The following SLC9A9 variants were observed in gnomAD, a reference collection of about 807,000 sequenced individuals.
The protein encoded by SLC9A9 is solute carrier family 9 member A9, also known as sodium/hydrogen exchanger 9.
Under a neutral mutation model 77.8 loss-of-function variants are expected in SLC9A9, and 62 were observed. The observed-to-expected ratio is 0.80, with a 90% CI of 0.65 to 0.98. The LOEUF is 0.98. Ranked by LOEUF, SLC9A9 falls within the 50% of genes least tolerant of loss-of-function variation. The pLI, the probability that SLC9A9 is intolerant of heterozygous loss-of-function variation, is 0.00. For missense variants in SLC9A9, 775 were observed against 774.9 expected, an observed-to-expected ratio of 1.00 and a Z score of 0.00; for synonymous variants, 320 against 283.5, an observed-to-expected ratio of 1.13 and a Z score of -1.29.
Position 143,266,892 on chromosome 3 carries a change from T to C in SLC9A9, c.1748A>G (p.Asn583Ser), listed in dbSNP as rs201104682. 2.5e-6 allele frequency: 4 copies of C among 1,614,102 alleles called. No homozygotes were observed. The highest frequency in any genetic ancestry group is 3.4e-6 in the Non-Finnish European group (4 of 1,179,986). The change falls in exon 16 of 16, where the codon AAC (asparagine) becomes AGC (serine). Residue 583 changes from asparagine to serine, a missense_variant. Transcript: ENST00000316549. The part of the protein sequence containing the change: ...LKEDDVECIV[N>S]QDELAINYQE... The stretch of plus-strand genomic sequence containing the variant: ...GTAATTTATGGCTAGTTCATCCTGG[T>C]TTACAATGCATTCCACATCATCCTC...
At chr3:143,371,757 G>A (rs919807069) in intron 13 of SLC9A9, among the ~76,000 whole-genome samples, 1 of 152,070 alleles carries the variant, frequency 6.6e-6, no homozygotes, top group African/African-American at 2.4e-5. Context: ...CACCCAAATT[G>A]GAAAAGAAGA....
intron 6 of SLC9A9, chr3:143,627,485 AC>A (rs1230097129): frequency 8.9e-6 from 2 of 223,790 alleles, no homozygotes; most frequent in East Asian, 1.1e-4. Context: ...AAGCCCTCAA[AC>A]TTTTGGTGTG....
At chr3:143,423,208 C>G (rs74850749) in intron 12 of SLC9A9, among the ~76,000 whole-genome samples, 1 of 146,928 alleles carries the variant, frequency 6.8e-6, no homozygotes, top group African/African-American at 2.5e-5. Context: ...CTTACCCTCA[C>G]ACACACGTAC....
At chr3:143,270,629 G>A (rs1578251521) in intron 14 of SLC9A9, among the ~76,000 whole-genome samples, 1 of 152,202 alleles carries the variant, frequency 6.6e-6, no homozygotes, top group East Asian at 1.9e-4. Context: ...CCAGGTGGAA[G>A]GATGGAAAAG....
At chr3:143,713,343 G>T (rs145457039) in intron 4 of SLC9A9, among the ~76,000 whole-genome samples, 155 of 152,286 alleles carry the variant, frequency 1.0e-3, no homozygotes, top group African/African-American at 3.4e-3. Flanking sequence ...AGATACTGGA[G>T]GTTAGAAACA....
chr3:143,761,020 C>T (rs182377845), intron 4 of SLC9A9, among the ~76,000 whole-genome samples: 1 of 151,934 alleles, frequency 6.6e-6, no homozygotes, highest in African/African-American at 2.4e-5. Context: ...CAGAACAGAG[C>T]CCTCAGAAAT....
chr3:143,416,886 A>C (rs1211935104), intron 12 of SLC9A9, among the ~76,000 whole-genome samples: 11 of 152,236 alleles, frequency 7.2e-5, no homozygotes, highest in Admixed American at 7.2e-4. Flanking sequence ...ATCCACTATG[A>C]GTGGGAAATC....
intron 6 of SLC9A9, among the ~76,000 whole-genome samples, chr3:143,599,226 C>T (rs3894056): frequency 6.1e-4 from 93 of 152,226 alleles, no homozygotes; most frequent in Middle Eastern, 3.4e-3. Flanking sequence ...CTATTTAACT[C>T]GTAAAAAACA....
chr3:143,768,124 C>T (rs1483493263), intron 4 of SLC9A9, among the ~76,000 whole-genome samples: 1 of 152,142 alleles, frequency 6.6e-6, no homozygotes. Context: ...CCTCTCCTCA[C>T]TGTCACACAG....
chr3:143,503,227 A>G, intron 9 of SLC9A9: 1 of 218,640 alleles, frequency 4.6e-6, no homozygotes, highest in Non-Finnish European at 9.1e-6. Flanking sequence ...ACTGCACAGC[A>G]GCTGAGGGCC....
chr3:143,738,911 C>A (rs1012492211), intron 4 of SLC9A9, among the ~76,000 whole-genome samples: 1 of 152,160 alleles, frequency 6.6e-6, no homozygotes, highest in African/African-American at 2.4e-5. Flanking sequence ...TCTGGATATA[C>A]CACCTTCCTA....
chr3:143,602,913 T>G (rs1195700032), intron 6 of SLC9A9, among the ~76,000 whole-genome samples: 2 of 152,270 alleles, frequency 1.3e-5, no homozygotes, highest in Non-Finnish European at 2.9e-5. Flanking sequence ...AGAATGCTGA[T>G]GACCACATGT....
At chr3:143,562,937 C>CA (rs1411459911) in intron 8 of SLC9A9, among the ~76,000 whole-genome samples, 2 of 151,824 alleles carry the variant, frequency 1.3e-5, no homozygotes, top group East Asian at 1.9e-4. Context: ...AGGTGGCCTA[C>CA]AAAAAATAAT....
At chr3:143,688,457 G>A (rs534662644) in intron 5 of SLC9A9, among the ~76,000 whole-genome samples, 16 of 152,198 alleles carry the variant, frequency 1.1e-4, no homozygotes, top group African/African-American at 3.6e-4. Context: ...TTGAAGATGT[G>A]TGCAAAGGTG....
At chr3:143,629,330 C>T (rs2038383664) in intron 6 of SLC9A9, among the ~76,000 whole-genome samples, 1 of 152,124 alleles carries the variant, frequency 6.6e-6, no homozygotes. Flanking sequence ...GTGAGCAAAA[C>T]AGACATTGTC....
chr3:143,565,687 G>A (rs2037156931), intron 8 of SLC9A9, among the ~76,000 whole-genome samples: 1 of 151,552 alleles, frequency 6.6e-6, no homozygotes, highest in South Asian at 2.1e-4. Context: ...CAGCTTGAAC[G>A]CCTAATATTT....
intron 9 of SLC9A9, chr3:143,517,904 T>C: frequency 6.6e-7 from 1 of 1,520,158 alleles, no homozygotes; most frequent in Non-Finnish European, 9.1e-7. Context: ...ATCCATCATC[T>C]CCTCCGTTAT....
intron 14 of SLC9A9, among the ~76,000 whole-genome samples, chr3:143,301,560 G>A (rs2030516632): frequency 6.6e-6 from 1 of 152,164 alleles, no homozygotes; most frequent in Non-Finnish European, 1.5e-5. Context: ...TGGGTGTTAG[G>A]GCCATCCTCT....
intron 11 of SLC9A9, among the ~76,000 whole-genome samples, chr3:143,473,218 C>T (rs916075350): frequency 7.2e-5 from 11 of 152,290 alleles, no homozygotes; most frequent in African/African-American, 2.6e-4. Context: ...TGGTCTTGGC[C>T]TCAAGCCTCT....
Sources: allele counts gnomAD v4.1 joint callset (sites outside exome capture counted in the v4.1 genomes callset), GRCh38; gene constraint gnomAD v4.1.1; transcripts MANE v1.5; gene names NCBI Gene and HGNC (gene_info 2026-07-23, HGNC 2026-07-21).